The following TFEB variants were observed in gnomAD, a reference collection of about 807,000 sequenced individuals.
TFEB encodes the protein T-cell transcription factor EB.
In TFEB, 12 loss-of-function variants were observed where a neutral mutation model predicts 48.0. The observed-to-expected ratio is 0.25, with a 90% CI of 0.16 to 0.40. The LOEUF (loss-of-function observed/expected upper bound fraction) is 0.40, where lower values mean the gene tolerates loss of function less well. TFEB is among the 10% of genes least tolerant of loss of function. TFEB has a pLI of 1.00. For missense variants in TFEB, 509 were observed against 640.3 expected (o/e 0.79, Z 2.21); for synonymous variants, 244 against 261.4 (o/e 0.93, Z 0.64).
At chr6:41,732,965 C>T in intron 1 of TFEB, 7 of 985,478 alleles carry the variant, frequency 7.1e-6, no homozygotes, top group Non-Finnish European at 8.4e-6. Flanking sequence ...CTGTTGCCTG[C>T]AGAAACCGAG....
In TFEB at chr6:41,735,549, C is replaced by G; in HGVS notation, c.-222G>C. 1 of 984,788 alleles carries G rather than the reference C, an allele frequency of 1.0e-6. No homozygotes were observed. Among genetic ancestry groups the G allele is most frequent in the South Asian group, 4.6e-5 (1 of 21,514 alleles). 61.0% of individuals were successfully genotyped at this position (984,788 alleles called of 1,614,324 possible). On this transcript the variant is annotated 5_prime_UTR_variant, in exon 1 of 9. Coordinates refer to ENST00000373033, the MANE Select transcript of TFEB (RefSeq NM_001271944.2). ...GCCGCTCCCTGCGTCCCGCCCGGGC[C>G]GCCGCCTCCGCTGTCACCGAGCCCC...
chr6:41,732,525 C>T, intron 1 of TFEB: 1 of 957,588 alleles, frequency 1.0e-6, no homozygotes, highest in Non-Finnish European at 1.2e-6. Flanking sequence ...TATTGTTACA[C>T]TCTCATAGAC....
chr6:41,687,290 TC>T, intron 6 of TFEB, 121 bp from the exon 7 acceptor site: 1 of 866,372 alleles, frequency 1.2e-6, no homozygotes, highest in Non-Finnish European at 1.9e-6. Flanking sequence ...ATTTAGTTCT[TC>T]CAGGAAGTAA....
intron 1 of TFEB, among the ~76,000 whole-genome samples, chr6:41,700,206 C>T (rs1769826029): frequency 6.6e-6 from 1 of 150,774 alleles, no homozygotes; most frequent in Non-Finnish European, 1.5e-5. Flanking sequence ...GTGGCTCACG[C>T]CTGTAATCCC....
intron 1 of TFEB, among the ~76,000 whole-genome samples, chr6:41,712,283 C>T (rs755229910): frequency 3.3e-5 from 5 of 152,178 alleles, no homozygotes; most frequent in Non-Finnish European, 7.3e-5. Flanking sequence ...GTCTCAGGGT[C>T]CTCTTCTACC....
upstream of TFEB, chr6:41,736,043 A>G: frequency 6.9e-7 from 1 of 1,450,982 alleles, no homozygotes; most frequent in South Asian, 1.1e-5. Context: ...TGCCCCGATC[A>G]TAAGGGGCAA....
chr6:41,688,156 C>CT, intron 4 of TFEB, 128 bp from the exon 5 acceptor site: 1 of 1,202,234 alleles, frequency 8.3e-7, no homozygotes, highest in Non-Finnish European at 1.1e-6. Flanking sequence ...ACCTTGGGCC[C>CT]TTTCACCCAG....
intron 1 of TFEB, among the ~76,000 whole-genome samples, chr6:41,719,045 C>G (rs1228638319): frequency 6.6e-6 from 1 of 152,206 alleles, no homozygotes; most frequent in Non-Finnish European, 1.5e-5. Flanking sequence ...GCAGCCACTC[C>G]CCATTGCTCA....
At position 41,687,912 on chromosome 6, in the gene TFEB, G is replaced by T. The variant is rs1296333192; in HGVS notation, c.666C>A (p.Leu222=). ...CPADLTQKRE[L]TDAESRALAK... ...AGGGGTAGAGGGAGGCAGTACCTGTGAGCTCTCGCTTCTGGGTCAGGTCCG... is the reference window on the plus strand; with the variant it reads ...AGGGGTAGAGGGAGGCAGTACCTGTTAGCTCTCGCTTCTGGGTCAGGTCCG... The change falls in exon 5 of 9, where the codon CTC becomes CTA. Residue 222 remains leucine (L), a synonymous_variant. Transcript: ENST00000373033. 1 of 1,613,702 alleles carries T rather than the reference G, an allele frequency of 6.2e-7. No homozygotes were observed. Among genetic ancestry groups the T allele is most frequent in the Admixed American group, 1.7e-5 (1 of 59,984 alleles).
chr6:41,716,569 A>C (rs1385564524), intron 1 of TFEB, among the ~76,000 whole-genome samples: 1 of 152,214 alleles, frequency 6.6e-6, no homozygotes, highest in Non-Finnish European at 1.5e-5. Flanking sequence ...ACTGCATGCC[A>C]AGCTTCAAGC....
intron 1 of TFEB, among the ~76,000 whole-genome samples, chr6:41,726,064 G>A (rs183502448): frequency 3.0e-4 from 45 of 152,234 alleles, no homozygotes; most frequent in African/African-American, 7.2e-4. Context: ...AGCTGAGATC[G>A]CGCCACTGCA....
intron 1 of TFEB, among the ~76,000 whole-genome samples, chr6:41,728,056 C>T (rs1771284803): frequency 6.6e-6 from 1 of 152,230 alleles, no homozygotes; most frequent in Non-Finnish European, 1.5e-5. Context: ...GTCTCTGTGC[C>T]AGCAAGAGGC....
intron 1 of TFEB, among the ~76,000 whole-genome samples, chr6:41,702,282 G>A (rs1287988910): frequency 2.6e-5 from 4 of 152,218 alleles, no homozygotes; most frequent in Non-Finnish European, 5.9e-5. Context: ...GGCTCAGAGG[G>A]TGACAAATCT....
At chr6:41,703,025 A>G (rs996837665) in intron 1 of TFEB, among the ~76,000 whole-genome samples, 2 of 152,214 alleles carry the variant, frequency 1.3e-5, no homozygotes. Context: ...GGGAAGGGCC[A>G]GGCACCGGTT....
rs1769117294 is a variant in TFEB, at chr6:41,688,211, G to C, written c.550-183C>G. ...GCAGAGTCCAGAGCTATTATAAGAT[G>C]TAGTCCCTGCCCTCAAGGAGCCCCT... On this transcript the variant is annotated intron_variant, in intron 4 of 8. Transcript: ENST00000373033. 4.6e-6 allele frequency: 3 copies of C among 653,866 alleles called. No homozygotes were observed. The South Asian group carries it at 7.6e-5, about 16-fold the overall frequency. The allele number at this position is 653,866 out of a possible 1,614,324, so 40.5% of individuals were successfully genotyped here. A position where few individuals can be genotyped will look rare whatever the true frequency, so the allele number is the denominator to read the frequency against.
intron 1 of TFEB, among the ~76,000 whole-genome samples, chr6:41,704,745 C>G (rs547024003): frequency 2.4e-4 from 36 of 152,324 alleles, no homozygotes; most frequent in African/African-American, 8.7e-4. Context: ...TGGGAGAACA[C>G]AGCAGGGAAG....
At chr6:41,713,726 T>A (rs1396784371) in intron 1 of TFEB, among the ~76,000 whole-genome samples, 1 of 151,994 alleles carries the variant, frequency 6.6e-6, no homozygotes, top group Non-Finnish European at 1.5e-5. Flanking sequence ...TTTTCTATTC[T>A]CCCCAGAGCC....
At chr6:41,697,505 C>CA (rs1011038986) in intron 1 of TFEB, among the ~76,000 whole-genome samples, 11 of 135,982 alleles carry the variant, frequency 8.1e-5, no homozygotes, top group South Asian at 2.4e-4. Context: ...TTCTCCAAAC[C>CA]CCCCCCCTTC....
chr6:41,702,688 T>C (rs1581901709), intron 1 of TFEB, among the ~76,000 whole-genome samples: 1 of 152,220 alleles, frequency 6.6e-6, no homozygotes, highest in East Asian at 1.9e-4. Flanking sequence ...GGTCAGTTCA[T>C]GCCATTGTGG....
Sources: gnomAD v4.1 joint callset for allele counts (sites outside exome capture counted in the v4.1 genomes callset) on GRCh38, gnomAD v4.1.1 for gene constraint, MANE v1.5 for transcripts, NCBI Gene and HGNC (gene_info 2026-07-23, HGNC 2026-07-21) for gene names.